Variants in BCAR1 observed in about 807,000 individuals in gnomAD.
BCAR1 encodes BCAR1 scaffold protein, Cas family member.
A neutral mutation model predicts 67.6 loss-of-function variants in BCAR1; 30 were observed. The ratio of observed to expected loss-of-function variants is 0.44; its 90% confidence interval spans 0.33 to 0.60. The LOEUF (loss-of-function observed/expected upper bound fraction) is 0.60. BCAR1 is among the 20% of genes least tolerant of loss of function. The pLI, the probability that BCAR1 is intolerant of heterozygous loss-of-function variation, is 0.02. For missense variants in BCAR1, 1,313 were observed against 1,222.3 expected (o/e 1.07, Z -1.11); for synonymous variants, 626 against 556.7 (o/e 1.12, Z -1.75).
In BCAR1 at chr16:75,234,870, C is replaced by A. The variant is rs372478343; in HGVS notation, c.2010+19G>T. On this transcript the variant is annotated intron_variant, in intron 5 of 6. Transcript: ENST00000162330. The stretch of plus-strand genomic sequence containing the variant: ...CAGCGTGGCAGAAGAGGAGCCGGGG[C>A]TGGGCAGGCGGCACCCACCTGTAGG... 189 of 1,520,596 alleles carry A rather than the reference C, an allele frequency of 1.2e-4. 3 individuals carry two copies. In the Middle Eastern group the frequency reaches 1.6e-3, roughly 13 times the overall value. 94.2% of individuals were successfully genotyped at this position (1,520,596 alleles called of 1,614,324 possible).
In BCAR1 at chr16:75,229,552, G is replaced by C. The variant is rs1002587445; in HGVS notation, c.2572C>G (p.Gln858Glu). 1.2e-6 allele frequency: 2 copies of C among 1,604,168 alleles called. No individual in the cohort carries two copies. Among genetic ancestry groups the C allele is most frequent in the Non-Finnish European group, 1.7e-6 (2 of 1,176,154 alleles). ...ERVKELGHSTQQFRRVLGQLA... is the reference protein window; with the variant it reads ...ERVKELGHSTEQFRRVLGQLA... ...TGGCCTAGGACGCGGCGGAACTGCT[G>C]GGTGCTGTGGCCCAGCTCCTTGACC... The change falls in exon 7 of 7, where the codon CAG becomes GAG. Residue 858 changes from glutamine (Q) to glutamate (E), a missense_variant. Coordinates refer to ENST00000162330, the MANE Select transcript of BCAR1 (RefSeq NM_014567.5).
intron 2 of BCAR1, among the ~76,000 whole-genome samples, chr16:75,241,689 C>T (rs1391214632): frequency 2.6e-5 from 4 of 152,210 alleles, no homozygotes; most frequent in African/African-American, 9.6e-5. Flanking sequence ...TACCAGGCCA[C>T]CCATGGGCGG....
At chr16:75,240,369 G>A (rs1395734847) in intron 2 of BCAR1, among the ~76,000 whole-genome samples, 1 of 152,182 alleles carries the variant, frequency 6.6e-6, no homozygotes, top group Non-Finnish European at 1.5e-5. Context: ...TTACCGCCGT[G>A]CCACCGTAAT....
intron 6 of BCAR1, among the ~76,000 whole-genome samples, chr16:75,232,037 A>G (rs925518815): frequency 3.3e-5 from 5 of 151,730 alleles, no homozygotes; most frequent in Middle Eastern, 3.2e-3. Context: ...ATGTGCCACC[A>G]TGCCCAGCTA....
upstream of BCAR1, chr16:75,251,661 C>T: frequency 1.0e-6 from 1 of 997,696 alleles, no homozygotes; most frequent in Non-Finnish European, 1.2e-6. Context: ...CCAGCCGGCC[C>T]AGCCCGATCC....
At chr16:75,265,304 C>T in intron 1 of BCAR1, 1 of 152,504 alleles carries the variant, frequency 6.6e-6, no homozygotes, top group Non-Finnish European at 1.5e-5. Flanking sequence ...GCAGAGACCG[C>T]GCCCCAACCT....
intron 1 of BCAR1, chr16:75,266,940 T>G: frequency 2.4e-5 from 6 of 249,122 alleles, no homozygotes; most frequent in Non-Finnish European, 3.8e-5. Context: ...AGGGAATCTC[T>G]GTGTGGGTGC....
At chr16:75,244,521 CA>C (rs1426333493) in intron 1 of BCAR1, among the ~76,000 whole-genome samples, 2 of 152,262 alleles carry the variant, frequency 1.3e-5, no homozygotes, top group African/African-American at 4.8e-5. Flanking sequence ...AGGGCGATGG[CA>C]TACCAGGCAG....
chr16:75,247,918 G>A (rs546558176), intron 1 of BCAR1: 1 of 741,146 alleles, frequency 1.3e-6, no homozygotes, highest in African/African-American at 1.7e-5. Context: ...ACAAGGAAAT[G>A]GGTAATAGTG....
At chr16:75,252,361 A>G, upstream of BCAR1, 1 of 1,523,188 alleles carries the variant, frequency 6.6e-7, no homozygotes, top group Non-Finnish European at 8.8e-7. Flanking sequence ...TCCTGCTCCA[A>G]CTCATCTGCT....
At chr16:75,250,624 C>T (rs1283118306) in intron 1 of BCAR1, 1 of 985,222 alleles carries the variant, frequency 1.0e-6, no homozygotes, top group African/African-American at 1.7e-5. Context: ...GTAAGCCCCT[C>T]ACCCCGCACC....
At chr16:75,263,394 G>A (rs965707756) in intron 1 of BCAR1, 9 of 985,326 alleles carry the variant, frequency 9.1e-6, no homozygotes, top group Admixed American at 6.1e-5. Context: ...AGCGCTGGGC[G>A]AGAGGAAGGC....
At chr16:75,260,841 C>A (rs915635184) in intron 1 of BCAR1, among the ~76,000 whole-genome samples, 1 of 152,192 alleles carries the variant, frequency 6.6e-6, no homozygotes, top group East Asian at 1.9e-4. Context: ...CAGGGAGCTT[C>A]AAGTTAAATT....
chr16:75,239,429 T>G (rs1380783306), intron 2 of BCAR1, among the ~76,000 whole-genome samples: 1 of 151,952 alleles, frequency 6.6e-6, no homozygotes, highest in Non-Finnish European at 1.5e-5. Flanking sequence ...TCTCCTCCCC[T>G]ACTATCAGGC....
rs766933902 is a variant in BCAR1 at position 75,235,906 on chromosome 16, G to C, written c.993C>G (p.Pro331=). The part of the protein sequence containing the change: ...LLREETYDVP[P]AFAKAKPFDP... ...CAAAGGGCTTGGCCTTGGCGAAGGC[G>C]GGGGGCACATCGTAGGTCTCCTCAC... Residue 331 remains proline (P), a synonymous_variant, in exon 5 of 7, where the codon CCC becomes CCG. Transcript: ENST00000162330. 3 of 1,564,838 alleles carry C rather than the reference G, an allele frequency of 1.9e-6. No individual in the cohort carries two copies. The highest frequency in any genetic ancestry group is 2.6e-6 in the Non-Finnish European group (3 of 1,155,276).
At chr16:75,230,735 A>C (rs1298245392) in intron 6 of BCAR1, among the ~76,000 whole-genome samples, 1 of 152,220 alleles carries the variant, frequency 6.6e-6, no homozygotes, top group African/African-American at 2.4e-5. Context: ...CCCTAGGCGC[A>C]AAGATCCAAG....
In BCAR1 at chr16:75,266,003, CGCATGCGCCGCCCGCGCCG is replaced by C. The variant is rs912395781; in HGVS notation, c.66+1893_66+1911del. The C allele has an allele frequency of 5.8e-6, 6 of 1,035,760 alleles. No individual in the cohort carries two copies. In the African/African-American group the frequency reaches 1.1e-4, roughly 18 times the overall value. 64.2% of individuals were successfully genotyped at this position (1,035,760 alleles called of 1,614,324 possible). On this transcript the variant is annotated intron_variant, in intron 1 of 6. Coordinates refer to the BCAR1 transcript ENST00000393422. ...CTGTCCGGCCGCTCCAGCCGCGCCG[CGCATGCGCCGCCCGCGCCG>C]CCCCCCCCACCGTCTCCGCGGCCAG...
chr16:75,264,075 G>A, intron 1 of BCAR1: 1 of 1,242,516 alleles, frequency 8.0e-7, no homozygotes, highest in African/African-American at 1.5e-5. Context: ...CCGTGATGGT[G>A]TGGCCAGGCT....
chr16:75,251,133 G>C (rs1468048352), intron 1 of BCAR1, among the ~76,000 whole-genome samples: 5 of 152,168 alleles, frequency 3.3e-5, no homozygotes, highest in African/African-American at 9.7e-5. Context: ...CTGAGGCTCG[G>C]AGGCAGGGCG....
Sources: gnomAD v4.1 joint callset for allele counts (sites outside exome capture counted in the v4.1 genomes callset) on GRCh38, gnomAD v4.1.1 for gene constraint, MANE v1.5 for transcripts, NCBI Gene and HGNC (gene_info 2026-07-23, HGNC 2026-07-21) for gene names.